The following TRIM33 variants were observed in gnomAD, a reference collection of about 807,000 sequenced individuals.
TRIM33 encodes the protein E3 ubiquitin-protein ligase TRIM33.
In TRIM33, 20 loss-of-function variants were observed where a neutral mutation model predicts 125.4. The observed-to-expected ratio is 0.16, with a 90% CI of 0.11 to 0.23. The LOEUF is 0.23. TRIM33 is among the 10% of genes least tolerant of loss of function. The pLI is 1.00. For synonymous variants in TRIM33, 564 were observed against 513.9 expected, an observed-to-expected ratio of 1.10 and a Z score of -1.32; for missense variants, 920 against 1,411.4, an observed-to-expected ratio of 0.65 and a Z score of 5.58.
chr1:114,499,720 G>C (rs1652595213), intron 1 of TRIM33, among the ~76,000 whole-genome samples: 1 of 152,152 alleles, frequency 6.6e-6, no homozygotes, highest in Non-Finnish European at 1.5e-5. Context: ...AAGCCCTAGT[G>C]AACAGGCTCA....
At chr1:114,493,373 A>G (rs1344293353) in intron 1 of TRIM33, among the ~76,000 whole-genome samples, 1 of 152,180 alleles carries the variant, frequency 6.6e-6, no homozygotes, top group Admixed American at 6.5e-5. Context: ...TTCAATGTAC[A>G]AAAGTTTTAC....
At chr1:114,481,913 C>T (rs1651384039) in intron 1 of TRIM33, among the ~76,000 whole-genome samples, 1 of 151,982 alleles carries the variant, frequency 6.6e-6, no homozygotes, top group South Asian at 2.1e-4. Flanking sequence ...TGTGCGCCAC[C>T]ATGCCCAGCT....
At chr1:114,428,216 T>A (rs898550209) in intron 6 of TRIM33, among the ~76,000 whole-genome samples, 3 of 152,230 alleles carry the variant, frequency 2.0e-5, no homozygotes, top group Non-Finnish European at 4.4e-5. Context: ...CATAAGGAGC[T>A]AACTTTAGAA....
intron 1 of TRIM33, among the ~76,000 whole-genome samples, chr1:114,497,291 C>A (rs1652427610): frequency 6.6e-6 from 1 of 152,132 alleles, no homozygotes; most frequent in South Asian, 2.1e-4. Context: ...CACAAATTTA[C>A]ACTTAAAATT....
chr1:114,408,577 TG>T, intron 13 of TRIM33, 99 bp downstream of exon 13: 1 of 709,234 alleles, frequency 1.4e-6, no homozygotes, highest in Non-Finnish European at 2.4e-6. Context: ...TAAAGCTGAG[TG>T]TTAAGTATAA....
At chr1:114,414,027 G>GCACACACGCACACACACACA (rs1652768171) in intron 11 of TRIM33, among the ~76,000 whole-genome samples, 2 of 130,684 alleles carry the variant, frequency 1.5e-5, no homozygotes, top group African/African-American at 5.9e-5. Flanking sequence ...TAAATCACAG[G>GCACACACGCACACACACACA]CACACACACA....
chr1:114,483,265 C>CCA (rs1475854413), intron 1 of TRIM33, among the ~76,000 whole-genome samples: 1 of 152,040 alleles, frequency 6.6e-6, no homozygotes, highest in Non-Finnish European at 1.5e-5. Context: ...TGCGATCACA[C>CCA]CACTGCACCC....
intron 4 of TRIM33, chr1:114,460,226 C>T (rs550789685): frequency 1.9e-5 from 4 of 208,634 alleles, no homozygotes; most frequent in East Asian, 1.1e-4. Context: ...TAGGCATTCA[C>T]GCCAGCATAG....
chr1:114,482,453 T>G (rs1434335037), intron 1 of TRIM33, among the ~76,000 whole-genome samples: 4 of 152,008 alleles, frequency 2.6e-5, no homozygotes, highest in African/African-American at 9.7e-5. Context: ...ATTACCTAGA[T>G]GGGAAAATGA....
chr1:114,444,760 C>T (rs1036125063), intron 4 of TRIM33, among the ~76,000 whole-genome samples: 3 of 152,100 alleles, frequency 2.0e-5, no homozygotes, highest in Admixed American at 6.6e-5. Context: ...GTATTGTCCA[C>T]AATGTCCAAA....
intron 1 of TRIM33, among the ~76,000 whole-genome samples, chr1:114,507,122 G>C (rs1164573659): frequency 6.6e-6 from 1 of 152,238 alleles, no homozygotes; most frequent in Non-Finnish European, 1.5e-5. Context: ...TGATCTATCA[G>C]AGAGCGACCT....
intron 18 of TRIM33, among the ~76,000 whole-genome samples, chr1:114,398,710 A>C (rs887440147): frequency 3.3e-5 from 5 of 152,012 alleles, no homozygotes; most frequent in Non-Finnish European, 7.4e-5. Context: ...TACACCAGCA[A>C]TAAAGAGACT....
intron 4 of TRIM33, among the ~76,000 whole-genome samples, chr1:114,437,680 T>C (rs1479102315): frequency 6.6e-6 from 1 of 152,130 alleles, no homozygotes; most frequent in Non-Finnish European, 1.5e-5. Flanking sequence ...CAATGAACTA[T>C]TCTCCATATT....
At chr1:114,505,774 G>C (rs1445664287) in intron 1 of TRIM33, among the ~76,000 whole-genome samples, 7 of 151,926 alleles carry the variant, frequency 4.6e-5, no homozygotes, top group Admixed American at 2.6e-4. Flanking sequence ...CGCCATGTTG[G>C]CCAGGCTGAT....
intron 1 of TRIM33, among the ~76,000 whole-genome samples, chr1:114,479,238 G>A (rs905325943): frequency 6.6e-5 from 10 of 152,190 alleles, no homozygotes; most frequent in African/African-American, 1.7e-4. Flanking sequence ...CAAAGAAATA[G>A]AAAAAATGTT....
intron 4 of TRIM33, among the ~76,000 whole-genome samples, chr1:114,461,713 CT>C (rs1426194422): frequency 6.6e-6 from 1 of 152,076 alleles, no homozygotes; most frequent in African/African-American, 2.4e-5. Context: ...TCTTCCTTTT[CT>C]TTTTGCCTCT....
chr1:114,401,555 T>TG, intron 16 of TRIM33, 92 bp from the exon 17 acceptor site: 2 of 1,073,522 alleles, frequency 1.9e-6, no homozygotes, highest in Non-Finnish European at 2.7e-6. Flanking sequence ...CAAAGTTTGA[T>TG]TACAACAAAC....
At chr1:114,398,056 T>C in intron 18 of TRIM33, 66 bp from the exon 19 acceptor site, 1 of 1,550,390 alleles carries the variant, frequency 6.4e-7, no homozygotes, top group South Asian at 1.2e-5. Flanking sequence ...GTTATGAGAC[T>C]GCATAGGATT....
chr1:114,433,583 T>C, intron 5 of TRIM33, 34 bp downstream of exon 5: 1 of 1,300,390 alleles, frequency 7.7e-7, no homozygotes, highest in Non-Finnish European at 1.1e-6. Context: ...TTTTAGTAAT[T>C]CTTAAAATTA....
Sources: allele counts gnomAD v4.1 joint callset (sites outside exome capture counted in the v4.1 genomes callset), GRCh38; gene constraint gnomAD v4.1.1; transcripts MANE v1.5; gene names NCBI Gene and HGNC (gene_info 2026-07-23, HGNC 2026-07-21).